PREPL: variants seen among roughly 807,000 people sequenced by gnomAD.
The protein encoded by PREPL is prolyl endopeptidase-like.
A neutral mutation model predicts 70.6 loss-of-function variants in PREPL; 77 were observed. The ratio of observed to expected loss-of-function variants is 1.09; its 90% CI spans 0.91 to 1.32. The LOEUF (loss-of-function observed/expected upper bound fraction) is 1.32. Ranked by LOEUF, PREPL falls within the 40% of genes most tolerant of loss-of-function variation. The probability of loss-of-function intolerance (pLI) is 0.00; values close to 1 mark genes in which losing one functional copy is unlikely to be tolerated. For synonymous variants in PREPL, 315 were observed against 264.8 expected (o/e 1.19, Z -1.84); for missense variants, 1,002 against 778.2 (o/e 1.29, Z -3.42).
In PREPL at chr2:44,346,343, G is replaced by C. The variant is rs778502013; in HGVS notation, c.-1C>G. On this transcript the variant is annotated 5_prime_UTR_variant, in exon 2 of 14. Transcript: ENST00000409411. ...TTCTCACTTTTTCAAATGCATCCAT[G>C]TTTTCTGGAAGGGGTTTTTCGTTTT... The C allele has an allele frequency of 6.2e-7, 1 of 1,612,390 alleles. No homozygotes were observed. Among genetic ancestry groups the C allele is most frequent in the Admixed American group, 1.7e-5 (1 of 59,942 alleles).
intron 8 of PREPL, among the ~76,000 whole-genome samples, chr2:44,329,596 AT>A (rs1170489825): frequency 2.0e-5 from 3 of 152,192 alleles, no homozygotes; most frequent in Non-Finnish European, 2.9e-5. Flanking sequence ...ATTCTCAACC[AT>A]TAAGACCTGA....
At chr2:44,335,311 C>T (rs1212922292) in intron 7 of PREPL, among the ~76,000 whole-genome samples, 4 of 152,114 alleles carry the variant, frequency 2.6e-5, no homozygotes, top group Non-Finnish European at 2.9e-5. Context: ...AATCATATAG[C>T]AGAGTAAACT....
chr2:44,319,215 A>G lies in PREPL; in HGVS notation c.*2141T>C, dbSNP rs1672707322. Reference sequence around the variant, plus strand: ...ACCCCTAAAGAACAATAACAACCACAATAACAACTATCACCCCAGTAAACA... The same window carrying G: ...ACCCCTAAAGAACAATAACAACCACGATAACAACTATCACCCCAGTAAACA... On this transcript the variant is annotated 3_prime_UTR_variant, in exon 14 of 14. Transcript: ENST00000409411. 6.6e-6 allele frequency: 1 copy of G among 152,622 alleles called. No homozygotes were observed. 9.5% of individuals were successfully genotyped at this position (152,622 alleles called of 1,614,324 possible). A position where few individuals can be genotyped will look rare whatever the true frequency, so the allele number is the denominator to read the frequency against.
At chr2:44,323,798 G>A (rs79537401) in intron 10 of PREPL, among the ~76,000 whole-genome samples, 1 of 152,134 alleles carries the variant, frequency 6.6e-6, no homozygotes, top group African/African-American at 2.4e-5. Flanking sequence ...GTAATGTGGA[G>A]AAACCGGAAT....
At chr2:44,326,384 T>C (rs1014150540) in intron 10 of PREPL, among the ~76,000 whole-genome samples, 58 of 117,280 alleles carry the variant, frequency 4.9e-4, no homozygotes, top group Admixed American at 4.1e-3. Context: ...TTTTCTTTCC[T>C]TTTTTTTTTT....
At chr2:44,321,771 A>G (rs755372375) in intron 13 of PREPL, 56 bp downstream of exon 13, 11 of 1,613,514 alleles carry the variant, frequency 6.8e-6, no homozygotes, top group African/African-American at 1.3e-5. Context: ...GAAAATGTGA[A>G]AACAACATGT....
intron 6 of PREPL, among the ~76,000 whole-genome samples, 198 bp downstream of exon 6, chr2:44,338,949 T>C (rs1674927009): frequency 6.6e-6 from 1 of 152,234 alleles, no homozygotes; most frequent in Non-Finnish European, 1.5e-5. Context: ...GGACAGAATA[T>C]GTTTTATTTA....
chr2:44,349,546 T>G (rs1184300426), intron 1 of PREPL, among the ~76,000 whole-genome samples: 1 of 152,048 alleles, frequency 6.6e-6, no homozygotes, highest in Non-Finnish European at 1.5e-5. Context: ...CTTAAGGAAG[T>G]AGAAGAAAGG....
At chr2:44,345,734 C>T (rs1454059549) in intron 2 of PREPL, among the ~76,000 whole-genome samples, 1 of 152,186 alleles carries the variant, frequency 6.6e-6, no homozygotes, top group Non-Finnish European at 1.5e-5. Context: ...TATTATACTA[C>T]TTAAAGTGAA....
intron 1 of PREPL, chr2:44,347,459 T>C (rs544775833): frequency 6.6e-5 from 10 of 152,296 alleles, no homozygotes; most frequent in Admixed American, 2.0e-4. Context: ...ATAATGAACA[T>C]GAGTGGAGAT....
At position 44,323,329 on chromosome 2, in the gene PREPL, G is replaced by T; in HGVS notation, c.1562C>A (p.Pro521His). Residue 521 changes from proline (P) to histidine (H), a missense_variant, in exon 11 of 14, where the codon CCT becomes CAT. Coordinates refer to ENST00000409411, the MANE Select transcript of PREPL (RefSeq NM_001171613.2). ...TLEELEEWGNPSSDEKHKNYI... is the reference protein window; with the variant it reads ...TLEELEEWGNHSSDEKHKNYI... ...GTTCTTGTGTTTTTCATCAGATGAA[G>T]GATTCCCCCATTCTTCTAATTCTTC... 1 of 1,604,748 alleles carries T rather than the reference G, an allele frequency of 6.2e-7. No individual in the cohort carries two copies. The highest frequency in any genetic ancestry group is 8.5e-7 in the Non-Finnish European group (1 of 1,171,918).
intron 2 of PREPL, among the ~76,000 whole-genome samples, chr2:44,345,711 T>C (rs1675728597): frequency 6.6e-6 from 1 of 152,206 alleles, no homozygotes; most frequent in Admixed American, 6.5e-5. Flanking sequence ...AAACAGATAC[T>C]TGGCTTTCAT....
At chr2:44,329,413 C>T (rs1439365879) in intron 8 of PREPL, among the ~76,000 whole-genome samples, 1 of 152,158 alleles carries the variant, frequency 6.6e-6, no homozygotes, top group Admixed American at 6.5e-5. Flanking sequence ...TCACTACCTA[C>T]TATAATTTTA....
intron 7 of PREPL, 89 bp from the exon 8 acceptor site, chr2:44,332,745 TG>T (rs1190877144): frequency 4.8e-6 from 5 of 1,042,462 alleles, no homozygotes; most frequent in Non-Finnish European, 6.9e-6. Context: ...AACAAGATGA[TG>T]TGGATATCTC....
At position 44,319,344 on chromosome 2, in the gene PREPL, A is replaced by G. The variant is rs1325355234; in HGVS notation, c.*2012T>C. On this transcript the variant is annotated 3_prime_UTR_variant, in exon 14 of 14. Coordinates refer to ENST00000409411, the MANE Select transcript of PREPL (RefSeq NM_001171613.2). ...TATCAAGTGCCCATACTCTTTGACAAAGTAACTGTCTTTCTGATAATCTAT... is the reference window on the plus strand; with the variant it reads ...TATCAAGTGCCCATACTCTTTGACAGAGTAACTGTCTTTCTGATAATCTAT... The G allele has an allele frequency of 6.6e-6, 1 of 152,638 alleles. No individual in the cohort carries two copies. The highest frequency in any genetic ancestry group is 2.4e-5 in the African/African-American group (1 of 41,458). The allele number at this position is 152,638 out of a possible 1,614,324, so 9.5% of individuals were successfully genotyped here.
At chr2:44,358,610 G>A (rs1423931817) in intron 1 of PREPL, among the ~76,000 whole-genome samples, 2 of 152,032 alleles carry the variant, frequency 1.3e-5, no homozygotes, top group Non-Finnish European at 2.9e-5. Context: ...GAGAGGAAAG[G>A]GGACACTATT....
At chr2:44,359,490 T>C (rs1304953433) in intron 1 of PREPL, 1 of 1,589,256 alleles carries the variant, frequency 6.3e-7, no homozygotes, top group Non-Finnish European at 8.6e-7. Context: ...ACTTAAACAG[T>C]CCATACCTTA....
At position 44,318,276 on chromosome 2, in the gene PREPL, G is replaced by C. The variant is rs533302843; in HGVS notation, c.*3080C>G. 7.1e-6 allele frequency: 2 copies of C among 283,508 alleles called. No individual in the cohort carries two copies. 17.6% of individuals were successfully genotyped at this position (283,508 alleles called of 1,614,324 possible). On this transcript the variant is annotated 3_prime_UTR_variant, in exon 14 of 14. Transcript: ENST00000409411. ...CGGGTAATTTCTGTATTTTTTAGTA[G>C]AGATGGTGTTTCACCATGTTGGCCA...
intron 8 of PREPL, 69 bp downstream of exon 8, chr2:44,332,390 C>T (rs151295692): frequency 0.033 from 45,543 of 1,359,924 alleles, 947 homozygotes; most frequent in Non-Finnish European, 0.04. Context: ...ACTCCAACAA[C>T]TGCATGGCAT....
Sources: gnomAD v4.1 joint callset for allele counts (sites outside exome capture counted in the v4.1 genomes callset) on GRCh38, gnomAD v4.1.1 for gene constraint, MANE v1.5 for transcripts, NCBI Gene and HGNC (gene_info 2026-07-23, HGNC 2026-07-21) for gene names.